The following NARS2 variants were observed in gnomAD, a reference collection of about 807,000 sequenced individuals.
NARS2 encodes asparaginyl-tRNA synthetase 2, mitochondrial.
NARS2 carries 60 observed loss-of-function variants against 62.9 expected under a neutral mutation model. The observed-to-expected ratio is 0.95, with a 90% CI of 0.77 to 1.18. The LOEUF is 1.18. Ranked by LOEUF, NARS2 falls within the 50% of genes most tolerant of loss-of-function variation. The pLI is 0.00. For missense variants in NARS2, 619 were observed against 576.4 expected, an observed-to-expected ratio of 1.07 and a Z score of -0.76; for synonymous variants, 196 against 200.0, an observed-to-expected ratio of 0.98 and a Z score of 0.17.
At chr11:78,517,881 T>C (rs1201551910) in intron 6 of NARS2, among the ~76,000 whole-genome samples, 3 of 152,254 alleles carry the variant, frequency 2.0e-5, no homozygotes, top group Admixed American at 1.3e-4. Context: ...AGGGTTAACT[T>C]TGAACTTAAT....
intron 5 of NARS2, among the ~76,000 whole-genome samples, chr11:78,541,036 G>A (rs1489486467): frequency 6.6e-6 from 1 of 152,266 alleles, no homozygotes; most frequent in South Asian, 2.1e-4. Context: ...GCGCACGCCT[G>A]TATTCCCAGC....
Position 78,436,627 on chromosome 11 carries a change from T to G in NARS2, c.*43A>C, listed in dbSNP as rs1448096140. 6.2e-7 allele frequency: 1 copy of G among 1,607,388 alleles called. No homozygotes were observed. The highest frequency in any genetic ancestry group is 2.2e-5 in the East Asian group (1 of 44,814). Reference sequence around the variant, plus strand: ...CTGCTGTATGCACAATCATGTGCAGTGTCTCTGCCATGGGGGGTGCTTTTC... The same window carrying G: ...CTGCTGTATGCACAATCATGTGCAGGGTCTCTGCCATGGGGGGTGCTTTTC... On this transcript the variant is annotated 3_prime_UTR_variant, in exon 14 of 14. Transcript: ENST00000281038.
At chr11:78,523,539 A>G (rs985260539) in intron 6 of NARS2, among the ~76,000 whole-genome samples, 11 of 152,356 alleles carry the variant, frequency 7.2e-5, no homozygotes, top group African/African-American at 2.4e-4. Context: ...CATTACTTAC[A>G]AGAGCCAAAA....
intron 6 of NARS2, among the ~76,000 whole-genome samples, chr11:78,521,322 G>A (rs1218089204): frequency 6.6e-6 from 1 of 151,880 alleles, no homozygotes; most frequent in Non-Finnish European, 1.5e-5. Context: ...ATGCCACCAT[G>A]CTTGGTTTTT....
chr11:78,531,322 T>C (rs954904727), intron 5 of NARS2, among the ~76,000 whole-genome samples: 4 of 152,044 alleles, frequency 2.6e-5, no homozygotes, highest in South Asian at 2.1e-4. Context: ...GACCATATAA[T>C]AGGCCATAAA....
rs57861199 is a variant in NARS2, at chr11:78,519,257, C to T, written c.689+9585G>A. On this transcript the variant is annotated intron_variant, in intron 6 of 13. Coordinates refer to ENST00000281038, the MANE Select transcript of NARS2 (RefSeq NM_024678.6). The stretch of plus-strand genomic sequence containing the variant: ...TCATTATCTGAATTGATTAAATAAT[C>T]GAAGGGAGTCAATTTAGAACTGCAT... Among the ~76,000 whole-genome samples, 826 of 152,118 alleles carry T rather than the reference C, an allele frequency of 5.4e-3. 6 individuals carry two copies. Among genetic ancestry groups the T allele is most frequent in the African/African-American group, 0.019 (794 of 41,484 alleles).
intron 5 of NARS2, among the ~76,000 whole-genome samples, chr11:78,546,278 A>T (rs1027307272): frequency 6.6e-6 from 1 of 152,346 alleles, no homozygotes; most frequent in East Asian, 1.9e-4. Flanking sequence ...GAGGTCTCAC[A>T]GTAGCACAGT....
At chr11:78,464,585 T>C (rs879172314) in intron 11 of NARS2, among the ~76,000 whole-genome samples, 1 of 151,878 alleles carries the variant, frequency 6.6e-6, no homozygotes, top group African/African-American at 2.4e-5. Flanking sequence ...AGCTAGACAG[T>C]GTCCACTGGT....
At chr11:78,507,982 A>C (rs1565246057) in intron 6 of NARS2, among the ~76,000 whole-genome samples, 3 of 152,234 alleles carry the variant, frequency 2.0e-5, no homozygotes, top group Admixed American at 6.5e-5. Context: ...TTAAAGAACT[A>C]GAAGATGTGG....
At chr11:78,539,111 C>G (rs931891797) in intron 5 of NARS2, among the ~76,000 whole-genome samples, 3 of 146,902 alleles carry the variant, frequency 2.0e-5, no homozygotes, top group African/African-American at 7.6e-5. Flanking sequence ...TCTAAGATCA[C>G]AGAGCAGCCA....
At chr11:78,506,038 A>T (rs763390691) in intron 6 of NARS2, among the ~76,000 whole-genome samples, 31 of 152,164 alleles carry the variant, frequency 2.0e-4, no homozygotes, top group Admixed American at 9.8e-4. Context: ...AAATTGGATG[A>T]AAAAAATTGA....
intron 7 of NARS2, among the ~76,000 whole-genome samples, chr11:78,491,274 C>G (rs942345838): frequency 3.9e-5 from 6 of 152,222 alleles, no homozygotes; most frequent in East Asian, 1.9e-4. Context: ...CCACTCTCCC[C>G]CTTCCCTGCC....
intron 10 of NARS2, among the ~76,000 whole-genome samples, chr11:78,467,197 A>G (rs888638140): frequency 2.0e-5 from 3 of 152,236 alleles, no homozygotes; most frequent in African/African-American, 7.2e-5. Flanking sequence ...CCAACATTAT[A>G]CATATGTCCA....
At chr11:78,514,038 A>G (rs1371523091) in intron 6 of NARS2, among the ~76,000 whole-genome samples, 2 of 152,164 alleles carry the variant, frequency 1.3e-5, no homozygotes, top group African/African-American at 4.8e-5. Context: ...AAGCCTCACG[A>G]GAAGCAGACA....
At position 78,481,465 on chromosome 11, in the gene NARS2, C is replaced by T. The variant is rs142723096; in HGVS notation, c.823-2782G>A. On this transcript the variant is annotated intron_variant, in intron 7 of 13. Coordinates refer to ENST00000281038, the MANE Select transcript of NARS2 (RefSeq NM_024678.6). ...AAGAGCAGGTGGATTAGATGATATG[C>T]CTGCACTGTTGAGGGACACAGTACA... Among the ~76,000 whole-genome samples, 499 of 152,164 alleles carry T rather than the reference C, an allele frequency of 3.3e-3. 2 individuals carry two copies. Among genetic ancestry groups the T allele is most frequent in the African/African-American group, 0.012 (483 of 41,532 alleles).
chr11:78,552,877 CA>C (rs887778357), intron 5 of NARS2, among the ~76,000 whole-genome samples: 16 of 152,324 alleles, frequency 1.1e-4, no homozygotes, highest in Admixed American at 7.8e-4. Flanking sequence ...TTGGGAAAAT[CA>C]ACTTCCTAAA....
chr11:78,483,775 A>G (rs972955898), intron 7 of NARS2, among the ~76,000 whole-genome samples: 2 of 152,232 alleles, frequency 1.3e-5, no homozygotes, highest in Non-Finnish European at 2.9e-5. Flanking sequence ...TTCCATGCTC[A>G]TGGACAGGAA....
At chr11:78,569,007 T>C (rs1162852105) in intron 2 of NARS2, among the ~76,000 whole-genome samples, 1 of 152,204 alleles carries the variant, frequency 6.6e-6, no homozygotes, top group African/African-American at 2.4e-5. Context: ...GGTTGTACAA[T>C]TGCCCTTATT....
chr11:78,473,803 C>G (rs960617593), intron 9 of NARS2, among the ~76,000 whole-genome samples: 2 of 152,174 alleles, frequency 1.3e-5, no homozygotes, highest in Admixed American at 1.3e-4. Context: ...CTAATTGGCC[C>G]TTTCATTAAG....
Sources: gnomAD v4.1 joint callset for allele counts (sites outside exome capture counted in the v4.1 genomes callset) on GRCh38, gnomAD v4.1.1 for gene constraint, MANE v1.5 for transcripts, NCBI Gene and HGNC (gene_info 2026-07-23, HGNC 2026-07-21) for gene names.